The following TYW1B variants were observed in gnomAD, a reference collection of about 807,000 sequenced individuals.
TYW1B encodes the protein tRNA-yW synthesizing protein 1 homolog B.
A neutral mutation model predicts 86.9 loss-of-function variants in TYW1B; 73 were observed. The observed-to-expected ratio is 0.84, with a 90% confidence interval of 0.70 to 1.02. The LOEUF (loss-of-function observed/expected upper bound fraction) is 1.02. Among genes scored for constraint, TYW1B ranks in the 50% least tolerant of loss-of-function variants. The pLI, the probability that TYW1B is intolerant of heterozygous loss-of-function variation, is 0.00. For missense variants in TYW1B, 637 were observed against 827.4 expected (o/e 0.77, Z 2.82); for synonymous variants, 248 against 292.8 (o/e 0.85, Z 1.56).
At chr7:72,790,051 G>A (rs1482891102) in intron 6 of TYW1B, among the ~76,000 whole-genome samples, 1 of 149,084 alleles carries the variant, frequency 6.7e-6, no homozygotes. Context: ...GGGTTCAAGG[G>A]ATTCTCCTGC....
At chr7:72,807,518 G>A (rs1788521734) in intron 4 of TYW1B, among the ~76,000 whole-genome samples, 162 bp from the exon 5 acceptor site, 1 of 152,066 alleles carries the variant, frequency 6.6e-6, no homozygotes, top group Non-Finnish European at 1.5e-5. Flanking sequence ...TCAAGCTCCA[G>A]CCTTGACCCA....
intron 13 of TYW1B, among the ~76,000 whole-genome samples, chr7:72,614,064 AAG>A (rs1475406325): frequency 2.0e-5 from 3 of 151,906 alleles, no homozygotes; most frequent in African/African-American, 4.8e-5. Flanking sequence ...ACGGGAGCAA[AAG>A]AGAGAGAGCA....
chr7:72,810,895 T>C (rs1351949842), intron 3 of TYW1B, among the ~76,000 whole-genome samples: 33 of 152,152 alleles, frequency 2.2e-4, no homozygotes, highest in Non-Finnish European at 3.1e-4. Context: ...GTATATTTCA[T>C]CATATACGCC....
chr7:72,765,419 T>C (rs1787753368), intron 7 of TYW1B, among the ~76,000 whole-genome samples: 1 of 152,190 alleles, frequency 6.6e-6, no homozygotes, highest in Non-Finnish European at 1.5e-5. Flanking sequence ...TTTCCTCCAA[T>C]ACTTGGTCAC....
At chr7:72,658,802 C>T (rs2960907) in intron 11 of TYW1B, among the ~76,000 whole-genome samples, 83,537 of 151,964 alleles carry the variant, frequency 0.55, 25,023 homozygotes, top group Non-Finnish European at 0.68. Flanking sequence ...CTCACTGCAA[C>T]CTCCACCTCC....
intron 2 of TYW1B, among the ~76,000 whole-genome samples, chr7:72,825,305 A>G (rs1554481250): frequency 2.6e-5 from 4 of 152,132 alleles, no homozygotes; most frequent in Admixed American, 1.3e-4. Flanking sequence ...TTTCAACTAG[A>G]TATCAGCTGT....
At chr7:72,682,652 G>A (rs1813903366) in intron 11 of TYW1B, among the ~76,000 whole-genome samples, 1 of 152,278 alleles carries the variant, frequency 6.6e-6, no homozygotes, top group East Asian at 1.9e-4. Context: ...CAAGTAAAAA[G>A]CTGAACAAAT....
rs559540390 is a variant in TYW1B at position 72,778,306 on chromosome 7, G to A, written c.847-773C>T. On this transcript the variant is annotated intron_variant, in intron 6 of 13. Coordinates refer to ENST00000620995, the MANE Select transcript of TYW1B (RefSeq NM_001145440.3). ...ACACAACACCTGATGTACAATAGGC[G>A]TTCAACAAATTATAGCTGCTGCTGG... is the stretch of plus-strand genomic sequence containing the variant. Among the ~76,000 whole-genome samples, 8 of 152,226 alleles carry A rather than the reference G, an allele frequency of 5.3e-5. 1 individual carries two copies. The South Asian group carries it at 1.2e-3, about 24-fold the overall frequency.
At chr7:72,806,483 AC>A (rs1675466295) in intron 5 of TYW1B, among the ~76,000 whole-genome samples, 1 of 151,924 alleles carries the variant, frequency 6.6e-6, no homozygotes, top group Non-Finnish European at 1.5e-5. Context: ...TGATCCACCC[AC>A]CTTGGCCTCC....
intron 13 of TYW1B, among the ~76,000 whole-genome samples, chr7:72,599,743 G>A (rs1177897340): frequency 6.6e-6 from 1 of 151,896 alleles, no homozygotes; most frequent in Non-Finnish European, 1.5e-5. Context: ...CTATATACTA[G>A]CAAGGAACAA....
chr7:72,666,505 G>A (rs1363176846), intron 11 of TYW1B, among the ~76,000 whole-genome samples: 2 of 152,154 alleles, frequency 1.3e-5, no homozygotes, highest in Non-Finnish European at 2.9e-5. Context: ...GAAATACAGT[G>A]GGCAGCAGGA....
intron 11 of TYW1B, among the ~76,000 whole-genome samples, chr7:72,677,878 T>G (rs1315801482): frequency 2.6e-5 from 4 of 152,034 alleles, no homozygotes; most frequent in African/African-American, 9.7e-5. Context: ...ATTTTTGTAT[T>G]TTTAGTACTG....
chr7:72,616,533 CT>C, intron 13 of TYW1B, 138 bp downstream of exon 13: 1 of 1,342,182 alleles, frequency 7.5e-7, no homozygotes, highest in Non-Finnish European at 1.0e-6. Flanking sequence ...GAATTTAGTG[CT>C]TTCTTATTTT....
chr7:72,735,893 G>A (rs7806584), intron 8 of TYW1B, among the ~76,000 whole-genome samples: 104,935 of 150,972 alleles, frequency 0.7, 37,317 homozygotes, highest in Non-Finnish European at 0.77. Flanking sequence ...TTCACATACC[G>A]TAACATTATC....
intron 13 of TYW1B, among the ~76,000 whole-genome samples, chr7:72,577,971 T>G (rs545459298): frequency 2.6e-5 from 4 of 152,204 alleles, no homozygotes; most frequent in African/African-American, 9.6e-5. Context: ...CTCACTGTCC[T>G]GAACTTCCAC....
chr7:72,598,492 A>C (rs1811586471), intron 13 of TYW1B, among the ~76,000 whole-genome samples: 1 of 152,202 alleles, frequency 6.6e-6, no homozygotes, highest in African/African-American at 2.4e-5. Flanking sequence ...GAAAAGGGAG[A>C]GATGACAGGA....
Position 72,609,705 on chromosome 7 carries a change from C to T in TYW1B, c.1785+6967G>A, listed in dbSNP as rs182639358. Among the ~76,000 whole-genome samples the T allele has an allele frequency of 2.0e-3, 309 of 152,208 alleles. 1 individual carries two copies. Among genetic ancestry groups the T allele is most frequent in the African/African-American group, 7.2e-3 (300 of 41,522 alleles). On this transcript the variant is annotated intron_variant, in intron 13 of 13. Coordinates refer to ENST00000620995, the MANE Select transcript of TYW1B (RefSeq NM_001145440.3). ...TTGAAGAAAGGGCCAATGGACCAGGCCTGAGAAGTGACTACTTCCTAAGAA... is the reference window on the plus strand; with the variant it reads ...TTGAAGAAAGGGCCAATGGACCAGGTCTGAGAAGTGACTACTTCCTAAGAA...
intron 11 of TYW1B, among the ~76,000 whole-genome samples, chr7:72,662,581 A>T (rs1313566867): frequency 6.6e-6 from 1 of 152,214 alleles, no homozygotes. Context: ...GAGCTGCTCA[A>T]ATTTTATTTA....
At chr7:72,750,443 T>A (rs1585954041) in intron 7 of TYW1B, among the ~76,000 whole-genome samples, 1 of 152,218 alleles carries the variant, frequency 6.6e-6, no homozygotes, top group East Asian at 1.9e-4. Flanking sequence ...TTCAAATTGG[T>A]GCTACCTTAT....
Sources: gnomAD v4.1 joint callset for allele counts (sites outside exome capture counted in the v4.1 genomes callset) on GRCh38, gnomAD v4.1.1 for gene constraint, MANE v1.5 for transcripts, NCBI Gene and HGNC (gene_info 2026-07-23, HGNC 2026-07-21) for gene names.